The following DAB1 variants were observed in gnomAD, a reference collection of about 807,000 sequenced individuals.
DAB1 encodes the protein disabled homolog 1.
A neutral mutation model predicts 64.6 loss-of-function variants in DAB1; 15 were observed. The ratio of observed to expected loss-of-function variants is 0.23; its 90% CI spans 0.16 to 0.36. DAB1 has a LOEUF of 0.36. Ranked by LOEUF, DAB1 falls within the 10% of genes least tolerant of loss-of-function variation. The probability of loss-of-function intolerance (pLI) is 1.00; values close to 1 mark genes in which losing one functional copy is unlikely to be tolerated. For missense variants in DAB1, 596 were observed against 706.7 expected (o/e 0.84, Z 1.78); for synonymous variants, 235 against 251.9 (o/e 0.93, Z 0.64).
At chr1:57,727,795 T>G (rs973685489) in intron 6 of DAB1, among the ~76,000 whole-genome samples, 13 of 134,604 alleles carry the variant, frequency 9.7e-5, no homozygotes, top group African/African-American at 3.2e-4. Context: ...CTGTCTCTCA[T>G]AATGGAGTGT....
intron 7 of DAB1, among the ~76,000 whole-genome samples, chr1:57,438,949 G>A (rs1558380556): frequency 6.6e-6 from 1 of 152,140 alleles, no homozygotes; most frequent in Non-Finnish European, 1.5e-5. Context: ...GGGGAAGTAT[G>A]TGATTTCTCA....
chr1:58,074,562 G>GTATATATATATA (rs1322794894), intron 5 of DAB1: 1 of 39,048 alleles, frequency 2.6e-5, no homozygotes, highest in African/African-American at 1.2e-4. Context: ...ATATATATGT[G>GTATATATATATA]TGTATATATA....
intron 1 of DAB1, among the ~76,000 whole-genome samples, chr1:57,359,370 G>T (rs149353845): frequency 6.4e-4 from 97 of 152,028 alleles, no homozygotes; most frequent in African/African-American, 2.3e-3. Flanking sequence ...TCAGTGAAAT[G>T]CAAATCAAAA....
intron 4 of DAB1, among the ~76,000 whole-genome samples, chr1:58,234,665 C>A (rs1659935159): frequency 6.6e-6 from 1 of 152,176 alleles, no homozygotes; most frequent in Non-Finnish European, 1.5e-5. Flanking sequence ...CAAACCCTGT[C>A]CCAGGATATC....
chr1:57,080,983 G>A lies in DAB1; in HGVS notation c.307-8569C>T, dbSNP rs1652471549. ...GTTCTGGAGACACTAAGATGAGTAG[G>A]ATGCAGTCCTGGCTCTCTAAAGCTG... On this transcript the variant is annotated intron_variant, in intron 4 of 14. Transcript: ENST00000371236. Among the ~76,000 whole-genome samples, 3 of 152,162 alleles carry A rather than the reference G, an allele frequency of 2.0e-5. No homozygotes were observed. In the South Asian group the frequency reaches 6.2e-4, roughly 32 times the overall value.
At chr1:57,036,701 A>G (rs1290609619) in intron 9 of DAB1, among the ~76,000 whole-genome samples, 2 of 152,226 alleles carry the variant, frequency 1.3e-5, no homozygotes, top group Non-Finnish European at 2.9e-5. Flanking sequence ...ACTCAACATG[A>G]CATCAAATTT....
At chr1:58,296,309 A>G (rs1197764840) in intron 4 of DAB1, among the ~76,000 whole-genome samples, 3 of 152,196 alleles carry the variant, frequency 2.0e-5, no homozygotes, top group African/African-American at 7.2e-5. Flanking sequence ...ACAGTGGTAT[A>G]GAGCCTTCTG....
At chr1:57,683,900 T>C (rs1022702897) in intron 6 of DAB1, among the ~76,000 whole-genome samples, 3 of 152,010 alleles carry the variant, frequency 2.0e-5, no homozygotes, top group African/African-American at 7.3e-5. Context: ...AAAGACAAAA[T>C]CGCCAGTTTA....
At chr1:58,411,632 C>T (rs11801486) in intron 3 of DAB1, among the ~76,000 whole-genome samples, 4,640 of 152,150 alleles carry the variant, frequency 0.03, 227 homozygotes, top group African/African-American at 0.11. Context: ...ATTGCAGACA[C>T]TATCCTGAAA....
At chr1:58,220,862 T>C (rs1192534499) in intron 4 of DAB1, among the ~76,000 whole-genome samples, 2 of 85,760 alleles carry the variant, frequency 2.3e-5, no homozygotes, top group Non-Finnish European at 5.3e-5. Flanking sequence ...TATACACATA[T>C]ATACATATAT....
chr1:57,672,363 C>T (rs895961132), intron 6 of DAB1, among the ~76,000 whole-genome samples: 3 of 152,094 alleles, frequency 2.0e-5, no homozygotes, highest in Non-Finnish European at 4.4e-5. Flanking sequence ...GTGAAGTGAA[C>T]CTAAAAGACC....
chr1:57,193,961 C>T (rs1414499411), intron 2 of DAB1, among the ~76,000 whole-genome samples: 1 of 152,216 alleles, frequency 6.6e-6, no homozygotes. Flanking sequence ...TCTTAGTTCA[C>T]AGGGTTATCC....
intron 4 of DAB1, among the ~76,000 whole-genome samples, chr1:58,256,579 TG>T (rs1330992158): frequency 6.6e-6 from 1 of 152,228 alleles, no homozygotes; most frequent in Non-Finnish European, 1.5e-5. Flanking sequence ...CTGCAATTTA[TG>T]ATATACCTAC....
At chr1:58,516,182 T>C (rs1033631959) in intron 2 of DAB1, among the ~76,000 whole-genome samples, 2 of 152,154 alleles carry the variant, frequency 1.3e-5, no homozygotes, top group African/African-American at 4.8e-5. Flanking sequence ...CCAATAACTA[T>C]GACAATCAAA....
intron 3 of DAB1, among the ~76,000 whole-genome samples, chr1:58,431,716 T>TTAGC (rs1349235839): frequency 6.6e-6 from 1 of 152,214 alleles, no homozygotes. Context: ...TGTTTAACAG[T>TTAGC]TAGCTCCCTT....
At chr1:57,764,709 A>T (rs1160527848) in intron 6 of DAB1, among the ~76,000 whole-genome samples, 1 of 152,110 alleles carries the variant, frequency 6.6e-6, no homozygotes, top group African/African-American at 2.4e-5. Context: ...GGCTTATTTC[A>T]TAGCCCTGAG....
intron 7 of DAB1, among the ~76,000 whole-genome samples, chr1:57,448,528 T>C (rs1686233080): frequency 6.6e-6 from 1 of 152,258 alleles, no homozygotes; most frequent in Non-Finnish European, 1.5e-5. Context: ...TAAATTATTA[T>C]ATTGAACAAA....
At chr1:58,500,659 C>T (rs1645891856) in intron 3 of DAB1, among the ~76,000 whole-genome samples, 1 of 151,980 alleles carries the variant, frequency 6.6e-6, no homozygotes, top group South Asian at 2.1e-4. Context: ...AAAATATATC[C>T]TATTCAAATT....
intron 1 of DAB1, among the ~76,000 whole-genome samples, chr1:57,388,564 G>A (rs1172769991): frequency 6.6e-6 from 1 of 151,940 alleles, no homozygotes; most frequent in Non-Finnish European, 1.5e-5. Context: ...CCCTCTCCTG[G>A]GCCTCTCCAC....
Sources: allele counts gnomAD v4.1 joint callset (sites outside exome capture counted in the v4.1 genomes callset), GRCh38; gene constraint gnomAD v4.1.1; transcripts MANE v1.5; gene names NCBI Gene and HGNC (gene_info 2026-07-23, HGNC 2026-07-21).